ACSF3: variants seen among roughly 807,000 people sequenced by gnomAD.
ACSF3 encodes the protein acyl-CoA synthetase family member 3.
A neutral mutation model predicts 53.2 loss-of-function variants in ACSF3; 78 were observed. The observed-to-expected ratio is 1.47, with a 90% CI of 1.22 to 1.77. The LOEUF (loss-of-function observed/expected upper bound fraction) is 1.77, where lower values mean the gene tolerates loss of function less well. ACSF3 is among the 40% of genes most tolerant of loss of function. ACSF3 has a pLI of 0.00. For synonymous variants in ACSF3, 414 were observed against 333.1 expected, an observed-to-expected ratio of 1.24 and a Z score of -2.65; for missense variants, 937 against 771.1, an observed-to-expected ratio of 1.22 and a Z score of -2.55.
In ACSF3 at chr16:89,155,422, G is replaced by A; in HGVS notation, c.*1215G>A. 1 of 454,104 alleles carries A rather than the reference G, an allele frequency of 2.2e-6. No homozygotes were observed. The highest frequency in any genetic ancestry group is 4.4e-6 in the Non-Finnish European group (1 of 226,748). 28.1% of individuals were successfully genotyped at this position (454,104 alleles called of 1,614,324 possible). A position where few individuals can be genotyped will look rare whatever the true frequency, so the allele number is the denominator to read the frequency against. ...CTCGCGGACAGTTGGACGTGGCCTG[G>A]GGCCCCTGCTCACTTGAGCATGTCG... On this transcript the variant is annotated 3_prime_UTR_variant, in exon 11 of 11. Coordinates refer to ENST00000614302, the MANE Select transcript of ACSF3 (RefSeq NM_001243279.3).
Position 89,112,206 on chromosome 16 carries a change from G to T in ACSF3, c.937G>T (p.Ala313Ser), listed in dbSNP as rs866720721. 1.2e-6 allele frequency: 2 copies of T among 1,614,012 alleles called. No individual in the cohort carries two copies. Among genetic ancestry groups the T allele is most frequent in the Admixed American group, 1.7e-5 (1 of 59,990 alleles). ...CGACAGGCATTTTACCCAGCCGCAC[G>T]CCCAGGATTTCTTGCGTGCAGTTTG... is the stretch of plus-strand genomic sequence containing the variant. ...YYDRHFTQPHAQDFLRAVCEE... is the reference protein window; with the variant it reads ...YYDRHFTQPHSQDFLRAVCEE... Residue 313 changes from alanine to serine, a missense_variant, in exon 5 of 11, where the codon GCC (alanine) becomes TCC (serine). By Grantham distance (99) the Ala-to-Ser change is moderately conservative. Transcript: ENST00000614302.
At position 89,145,953 on chromosome 16, in the gene ACSF3, G is replaced by C; in HGVS notation, c.1517G>C (p.Gly506Ala). ...HPSITDVAVI[G>A]VPDMTWGQRV... ...CTATCCGCAGATGTGGCTGTGATTG[G>C]AGTTCCGGATATGACATGGGGCCAG... is the stretch of plus-strand genomic sequence containing the variant. The change falls in exon 10 of 11, where the codon GGA (glycine) becomes GCA (alanine). Residue 506 changes from glycine to alanine, a missense_variant. Coordinates refer to ENST00000614302, the MANE Select transcript of ACSF3 (RefSeq NM_001243279.3). 6.2e-7 allele frequency: 1 copy of C among 1,613,024 alleles called. No individual in the cohort carries two copies. The highest frequency in any genetic ancestry group is 2.2e-5 in the East Asian group (1 of 44,808).
At chr16:89,139,394 G>A (rs767645342) in intron 8 of ACSF3, among the ~76,000 whole-genome samples, 6 of 152,076 alleles carry the variant, frequency 3.9e-5, no homozygotes, top group Non-Finnish European at 7.4e-5. Context: ...TTCCTGAGGC[G>A]GGTGTGTAGG....
Position 89,153,567 on chromosome 16 carries a change from C to A in ACSF3, c.1614-523C>A, listed in dbSNP as rs545716597. On this transcript the variant is annotated intron_variant, in intron 10 of 10. Coordinates refer to ENST00000614302, the MANE Select transcript of ACSF3 (RefSeq NM_001243279.3). ...CCCTGCCGTGCAGGGCTCTGTGAGG[C>A]CTCTTGCCACATAGGCTTGTGTCTG... The A allele has an allele frequency of 3.8e-5, 7 of 181,878 alleles. No homozygotes were observed. In the South Asian group the frequency reaches 8.2e-4, roughly 21 times the overall value. The allele number at this position is 181,878 out of a possible 1,614,324, so 11.3% of individuals were successfully genotyped here. A position where few individuals can be genotyped will look rare whatever the true frequency, so the allele number is the denominator to read the frequency against.
chr16:89,133,432 C>A (rs1436535807), intron 8 of ACSF3, among the ~76,000 whole-genome samples, 170 bp downstream of exon 8: 2 of 152,180 alleles, frequency 1.3e-5, no homozygotes, highest in Non-Finnish European at 2.9e-5. Context: ...GCCTCCTGAG[C>A]ACCCGGCCTC....
At chr16:89,137,982 G>T (rs1042517873) in intron 8 of ACSF3, among the ~76,000 whole-genome samples, 3 of 152,216 alleles carry the variant, frequency 2.0e-5, no homozygotes, top group Non-Finnish European at 4.4e-5. Context: ...GGTCTCAGCC[G>T]TTGGGTTCTT....
At chr16:89,114,523 C>G (rs766936301) in intron 6 of ACSF3, 36 bp downstream of exon 6, 4 of 1,606,960 alleles carry the variant, frequency 2.5e-6, no homozygotes, top group Admixed American at 1.7e-5. Flanking sequence ...TCCTCTTCCA[C>G]TGTGCTCTGA....
intron 7 of ACSF3, among the ~76,000 whole-genome samples, chr16:89,121,665 A>G (rs568997875): frequency 2.0e-5 from 3 of 152,332 alleles, no homozygotes; most frequent in South Asian, 4.1e-4. Flanking sequence ...AGGTTTTCAA[A>G]GATCGAGGGA....
chr16:89,115,127 C>G (rs1041820182), intron 6 of ACSF3: 2 of 213,622 alleles, frequency 9.4e-6, no homozygotes, highest in African/African-American at 4.6e-5. Context: ...CCCTTCCAGT[C>G]TGTCTAGAGT....
At chr16:89,135,313 C>G (rs1486198118) in intron 8 of ACSF3, among the ~76,000 whole-genome samples, 1 of 152,244 alleles carries the variant, frequency 6.6e-6, no homozygotes, top group Non-Finnish European at 1.5e-5. Flanking sequence ...GGCCTGCAGC[C>G]TCTCCGCCTC....
chr16:89,146,712 C>T (rs749683880), intron 10 of ACSF3, among the ~76,000 whole-genome samples: 1 of 152,194 alleles, frequency 6.6e-6, no homozygotes, highest in African/African-American at 2.4e-5. Context: ...TTAAACTCAC[C>T]TGCATTTTTT....
At chr16:89,107,731 A>G (rs1012327865) in intron 4 of ACSF3, among the ~76,000 whole-genome samples, 3 of 152,202 alleles carry the variant, frequency 2.0e-5, no homozygotes, top group Non-Finnish European at 4.4e-5. Context: ...CGCAACTCCC[A>G]GTGCCGGCTC....
At chr16:89,134,869 G>A (rs977494524) in intron 8 of ACSF3, among the ~76,000 whole-genome samples, 4 of 152,206 alleles carry the variant, frequency 2.6e-5, no homozygotes, top group Non-Finnish European at 5.9e-5. Context: ...AATCCAGCTA[G>A]TCCTGTCTCT....
At chr16:89,125,962 A>G (rs577001348) in intron 7 of ACSF3, among the ~76,000 whole-genome samples, 30 of 152,192 alleles carry the variant, frequency 2.0e-4, no homozygotes, top group African/African-American at 7.2e-4. Flanking sequence ...ATGTCTCTCC[A>G]TTTACTTAGA....
intron 4 of ACSF3, among the ~76,000 whole-genome samples, chr16:89,108,640 C>T (rs1424524826): frequency 6.6e-6 from 1 of 152,322 alleles, no homozygotes; most frequent in Admixed American, 6.5e-5. Flanking sequence ...GGGCGTGTCA[C>T]ACTCAGTCTT....
chr16:89,141,376 T>C (rs1238134908), intron 8 of ACSF3: 8 of 1,194,356 alleles, frequency 6.7e-6, no homozygotes, highest in African/African-American at 6.3e-5. Context: ...GCCTGACATG[T>C]TCCAAGGGGC....
Position 89,133,153 on chromosome 16 carries a change from A to G in ACSF3, c.1257A>G (p.Glu419=), listed in dbSNP as rs760524726. ...ERGTKVTPGF[E]EKEGELLVRG... ...CTCCACAGGTGACCCCAGGGTTTGA[A>G]GAAAAGGAGGGGGAGCTGCTGGTGA... The change falls in exon 8 of 11, where the codon GAA becomes GAG. Residue 419 remains glutamate, a synonymous_variant. Transcript: ENST00000614302. The G allele has an allele frequency of 1.9e-6, 3 of 1,614,002 alleles. 1 individual carries two copies. Among genetic ancestry groups the G allele is most frequent in the South Asian group, 1.1e-5 (1 of 91,084 alleles).
chr16:89,153,931 G>A (rs1384787054), intron 10 of ACSF3, 159 bp from the exon 11 acceptor site: 7 of 701,206 alleles, frequency 1.0e-5, no homozygotes, highest in South Asian at 1.7e-5. Context: ...GGCAGAGACA[G>A]CTGCGGTGGC....
intron 8 of ACSF3, chr16:89,141,423 C>G (rs1279007624): frequency 2.3e-6 from 2 of 878,726 alleles, no homozygotes; most frequent in Admixed American, 2.7e-5. Context: ...GGGGCCGCCC[C>G]TTTGGGTGGG....
Sources: allele counts gnomAD v4.1 joint callset (sites outside exome capture counted in the v4.1 genomes callset), GRCh38; gene constraint gnomAD v4.1.1; transcripts MANE v1.5; gene names NCBI Gene and HGNC (gene_info 2026-07-23, HGNC 2026-07-21).